The following HABP4 variants were observed in gnomAD, a reference collection of about 807,000 sequenced individuals.
HABP4 encodes hyaluronan binding protein 4, also known as intracellular hyaluronan-binding protein 4.
In HABP4, 32 loss-of-function variants were observed where a neutral mutation model predicts 44.1. The ratio of observed to expected loss-of-function variants is 0.73; its 90% CI spans 0.55 to 0.97. HABP4 has a LOEUF of 0.97. Among genes scored for constraint, HABP4 ranks in the 50% least tolerant of loss-of-function variants. The pLI is 0.00. For synonymous variants in HABP4, 216 were observed against 218.0 expected, an observed-to-expected ratio of 0.99 and a Z score of 0.08; for missense variants, 503 against 561.9, an observed-to-expected ratio of 0.90 and a Z score of 1.06.
intron 5 of HABP4, among the ~76,000 whole-genome samples, chr9:96,473,722 G>A (rs1243387518): frequency 6.6e-6 from 1 of 152,060 alleles, no homozygotes; most frequent in Non-Finnish European, 1.5e-5. Flanking sequence ...GTTCTCAAAT[G>A]TACTTTTATC....
intron 5 of HABP4, among the ~76,000 whole-genome samples, chr9:96,482,452 G>A (rs553574315): frequency 2.6e-5 from 4 of 152,286 alleles, no homozygotes; most frequent in Admixed American, 2.6e-4. Context: ...GTTGTAGCAT[G>A]TGCCAGTCTT....
At chr9:96,473,280 TC>T (rs1286823728) in intron 5 of HABP4, among the ~76,000 whole-genome samples, 2 of 152,152 alleles carry the variant, frequency 1.3e-5, no homozygotes, top group Admixed American at 6.5e-5. Flanking sequence ...AGCTGACTCC[TC>T]CCCACACCTC....
chr9:96,471,782 A>G (rs1832702773), intron 5 of HABP4, among the ~76,000 whole-genome samples: 1 of 151,298 alleles, frequency 6.6e-6, no homozygotes, highest in African/African-American at 2.4e-5. Context: ...CACCCTTCCA[A>G]GTTCTGTTTT....
At chr9:96,485,073 A>G (rs1832946285) in intron 6 of HABP4, among the ~76,000 whole-genome samples, 1 of 148,598 alleles carries the variant, frequency 6.7e-6, no homozygotes, top group Admixed American at 6.7e-5. Context: ...TTTTTTTGAG[A>G]TGGAGTTTCG....
At chr9:96,483,083 G>A (rs1241392289) in intron 5 of HABP4, 1 of 152,122 alleles carries the variant, frequency 6.6e-6, no homozygotes, top group African/African-American at 2.4e-5. Context: ...TTTCCAAAGA[G>A]GCTACACCAT....
In HABP4 at chr9:96,458,391, C is replaced by T. The variant is rs140719789; in HGVS notation, c.362C>T (p.Thr121Ile). 1.3e-5 allele frequency: 21 copies of T among 1,613,850 alleles called. No homozygotes were observed. In the African/African-American group the frequency reaches 2.3e-4, roughly 17 times the overall value. Reference sequence around the variant, plus strand: ...TTTCTGTTGGTAGGCCAGAAGCGGACTCCTAGAAGAGGGGAGCAGCAAGGA... The same window carrying T: ...TTTCTGTTGGTAGGCCAGAAGCGGATTCCTAGAAGAGGGGAGCAGCAAGGA... ...GGLQAPGQKR[T>I]PRRGEQQGWN... is the part of the protein sequence containing the mutation. The change falls in exon 2 of 8, where the codon ACT becomes ATT. Residue 121 changes from threonine to isoleucine, a missense_variant. Thr to Ile is a moderately conservative substitution (Grantham distance 89). Around this residue, in one of 3 missense-constraint regions of HABP4, gnomAD observed 290 missense variants for 300.5 expected, o/e 0.97. Transcript: ENST00000375249.
intron 4 of HABP4, among the ~76,000 whole-genome samples, chr9:96,467,861 C>T (rs1367631327): frequency 6.6e-6 from 1 of 152,128 alleles, no homozygotes; most frequent in African/African-American, 2.4e-5. Context: ...GATTTACCAC[C>T]TTATCTAATA....
rs961778944 is a variant in HABP4, at chr9:96,462,738, C to T, written c.513-2599C>T. On this transcript the variant is annotated intron_variant, in intron 2 of 7. Transcript: ENST00000375249. ...CCCAGTAATTTGAGACCAACCTGGG[C>T]GACATGGTGAAACCCGCATCTCTAC... 4.6e-5 allele frequency among the ~76,000 whole-genome samples: 7 copies of T among 151,898 alleles called. No homozygotes were observed. The East Asian group carries it at 5.8e-4, about 13-fold the overall frequency.
At chr9:96,487,548 A>G (rs1418919583) in intron 6 of HABP4, among the ~76,000 whole-genome samples, 1 of 152,194 alleles carries the variant, frequency 6.6e-6, no homozygotes, top group Non-Finnish European at 1.5e-5. Flanking sequence ...TTTATTATAA[A>G]TCATGTGATT....
At chr9:96,482,522 A>C (rs189411861) in intron 5 of HABP4, among the ~76,000 whole-genome samples, 7 of 152,226 alleles carry the variant, frequency 4.6e-5, no homozygotes. Flanking sequence ...CTACGATTTT[A>C]ATCCTTTTAA....
chr9:96,483,308 T>C (rs1271132535), intron 5 of HABP4: 4 of 152,194 alleles, frequency 2.6e-5, no homozygotes, highest in Admixed American at 6.5e-5. Flanking sequence ...GATCCTTGCC[T>C]TTTTTGGGGG....
intron 2 of HABP4, among the ~76,000 whole-genome samples, chr9:96,461,983 C>A (rs1832506880): frequency 1.3e-5 from 2 of 151,438 alleles, no homozygotes; most frequent in Non-Finnish European, 2.9e-5. Flanking sequence ...ATAGTGAATC[C>A]CCGCCTTATT....
intron 5 of HABP4, among the ~76,000 whole-genome samples, chr9:96,478,022 A>T (rs1832810959): frequency 6.6e-6 from 1 of 152,178 alleles, no homozygotes; most frequent in South Asian, 2.1e-4. Flanking sequence ...GTATCTGTTC[A>T]TTCCTTTTCA....
At chr9:96,458,096 G>C (rs1587672810) in intron 1 of HABP4, among the ~76,000 whole-genome samples, 1 of 152,136 alleles carries the variant, frequency 6.6e-6, no homozygotes, top group African/African-American at 2.4e-5. Flanking sequence ...ACCCATGGCT[G>C]TCACAGTTAT....
chr9:96,456,652 G>T (rs1832381542), intron 1 of HABP4, among the ~76,000 whole-genome samples: 1 of 149,740 alleles, frequency 6.7e-6, no homozygotes, highest in Non-Finnish European at 1.5e-5. Flanking sequence ...CCCAGCTACT[G>T]GGGAGGCTGA....
chr9:96,458,539 A>C lies in HABP4; in HGVS notation c.510A>C (p.Glu170Asp). 6.2e-7 allele frequency: 1 copy of C among 1,611,086 alleles called. No homozygotes were observed. Among genetic ancestry groups the C allele is most frequent in the Non-Finnish European group, 8.5e-7 (1 of 1,177,256 alleles). ...TCACAGCTGAGAAGTTTCCAGATGA[A>C]AAGTATGTGCTGCAGTCCTCAGCAG... is the stretch of plus-strand genomic sequence containing the variant. Reference protein sequence around the residue: ...ADFTAEKFPDEKPGDRFDRDR... With the variant: ...ADFTAEKFPDDKPGDRFDRDR... Residue 170 changes from glutamate to aspartate, a missense_variant and splice_region_variant, in exon 2 of 8, where the codon GAA (glutamate) becomes GAC (aspartate). Physicochemically the swap from Glu to Asp is conservative, Grantham distance 45. Transcript: ENST00000375249.
At chr9:96,482,701 T>C (rs374129711) in intron 5 of HABP4, among the ~76,000 whole-genome samples, 1 of 152,204 alleles carries the variant, frequency 6.6e-6, no homozygotes, top group Non-Finnish European at 1.5e-5. Flanking sequence ...GCCTCCTGTC[T>C]GTGTGAATCT....
intron 5 of HABP4, among the ~76,000 whole-genome samples, chr9:96,476,101 T>A (rs116948977): frequency 6.6e-6 from 1 of 152,318 alleles, no homozygotes; most frequent in East Asian, 1.9e-4. Context: ...GGTATTTTTC[T>A]GTGCCCCCTT....
At chr9:96,470,284 C>A (rs866005235) in intron 4 of HABP4, among the ~76,000 whole-genome samples, 7 of 152,032 alleles carry the variant, frequency 4.6e-5, no homozygotes, top group Admixed American at 2.6e-4. Flanking sequence ...ACTCCAACCA[C>A]CATGCCCAGC....
Sources: gnomAD v4.1 joint callset for allele counts (sites outside exome capture counted in the v4.1 genomes callset) on GRCh38, gnomAD v4.1.1 for gene constraint, gnomAD v4.1.1 regional missense constraint, MANE v1.5 for transcripts, NCBI Gene and HGNC (gene_info 2026-07-23, HGNC 2026-07-21) for gene names.